The following BUB3 variants were observed in gnomAD, a reference collection of about 807,000 sequenced individuals.
BUB3 encodes mitotic checkpoint protein BUB3.
A neutral mutation model predicts 39.9 loss-of-function variants in BUB3; 22 were observed. That is an observed-to-expected ratio of 0.55 (90% CI 0.39 to 0.79). The LOEUF (loss-of-function observed/expected upper bound fraction) is 0.79. Among genes scored for constraint, BUB3 ranks in the 30% least tolerant of loss-of-function variants. BUB3 has a pLI of 0.00. For synonymous variants in BUB3, 168 were observed against 155.1 expected (o/e 1.08, Z -0.62); for missense variants, 303 against 415.4 (o/e 0.73, Z 2.35).
chr10:123,165,047 G>A lies in BUB3; in HGVS notation c.*1212G>A, dbSNP rs775715440. On this transcript the variant is annotated 3_prime_UTR_variant, in exon 8 of 8. Coordinates refer to ENST00000368865, the MANE Select transcript of BUB3 (RefSeq NM_004725.4). ...TTGAAATGTATTTTCTTCATTGCAGGTCCACCTAATCATCCTGTGAAAGTG... is the reference window on the plus strand; with the variant it reads ...TTGAAATGTATTTTCTTCATTGCAGATCCACCTAATCATCCTGTGAAAGTG... The A allele has an allele frequency of 1.9e-6, 3 of 1,612,306 alleles. No individual in the cohort carries two copies. Among genetic ancestry groups the A allele is most frequent in the Non-Finnish European group, 2.5e-6 (3 of 1,179,624 alleles).
Position 123,167,537 on chromosome 10 carries a change from C to T in BUB3, c.*3702C>T, listed in dbSNP as rs1357471187. 1.3e-5 allele frequency: 2 copies of T among 152,320 alleles called. No individual in the cohort carries two copies. The highest frequency in any genetic ancestry group is 4.8e-5 in the African/African-American group (2 of 41,568). The allele number at this position is 152,320 out of a possible 1,614,324, so 9.4% of individuals were successfully genotyped here. A position where few individuals can be genotyped will look rare whatever the true frequency, so the allele number is the denominator to read the frequency against. On this transcript the variant is annotated 3_prime_UTR_variant, in exon 8 of 8. Coordinates refer to ENST00000368865, the MANE Select transcript of BUB3 (RefSeq NM_004725.4). ...CCACATCTTTTTGTATGCTCTGGCA[C>T]ATGACTGTTGGACCACTTTGATATT...
In BUB3 at chr10:123,165,939, AAG is replaced by A. The variant is rs1255183396; in HGVS notation, c.*2106_*2107del. 1 of 152,156 alleles carries A rather than the reference AAG, an allele frequency of 6.6e-6. No homozygotes were observed. Among genetic ancestry groups the A allele is most frequent in the Non-Finnish European group, 1.5e-5 (1 of 68,036 alleles). The allele number at this position is 152,156 out of a possible 1,614,324, so 9.4% of individuals were successfully genotyped here. ...TAAGTTTAAAACATTGTATAAGTGA[AAG>A]AATTAATATAGTATTGTTATAGGTA... On this transcript the variant is annotated 3_prime_UTR_variant, in exon 8 of 8. Coordinates refer to ENST00000368865, the MANE Select transcript of BUB3 (RefSeq NM_004725.4).
Position 123,163,974 on chromosome 10 carries a change from G to A in BUB3, c.*139G>A. On this transcript the variant is annotated 3_prime_UTR_variant, in exon 8 of 8. Coordinates refer to ENST00000368865, the MANE Select transcript of BUB3 (RefSeq NM_004725.4). ...AACAACCTGAAAATAATGGAAAAGA[G>A]GTTTTTGAATTTTTTTTTTTAAATA... 1 of 1,313,244 alleles carries A rather than the reference G, an allele frequency of 7.6e-7. No individual in the cohort carries two copies. The highest frequency in any genetic ancestry group is 9.8e-7 in the Non-Finnish European group (1 of 1,019,020). 81.3% of individuals were successfully genotyped at this position (1,313,244 alleles called of 1,614,324 possible).
Position 123,163,894 on chromosome 10 carries a change from A to G in BUB3, c.*59A>G, listed in dbSNP as rs1350207459. On this transcript the variant is annotated 3_prime_UTR_variant, in exon 8 of 8. Coordinates refer to ENST00000368865, the MANE Select transcript of BUB3 (RefSeq NM_004725.4). The stretch of plus-strand genomic sequence containing the variant: ...ATAATAAAACAATTCGTACTCCCCA[A>G]TGGTGGATTTATTACTATTAAAGAA... The G allele has an allele frequency of 2.0e-6, 3 of 1,534,102 alleles. No homozygotes were observed. The highest frequency in any genetic ancestry group is 2.4e-5 in the South Asian group (2 of 83,006).
At chr10:123,161,371 C>T (rs1020913774) in intron 5 of BUB3, among the ~76,000 whole-genome samples, 2 of 150,900 alleles carry the variant, frequency 1.3e-5, no homozygotes, top group African/African-American at 2.4e-5. Flanking sequence ...ATCACAGTTC[C>T]TTTTTTTTTA....
At chr10:123,157,517 T>G (rs958245672) in intron 3 of BUB3, among the ~76,000 whole-genome samples, 2 of 152,210 alleles carry the variant, frequency 1.3e-5, no homozygotes, top group African/African-American at 4.8e-5. Context: ...GTGAGTCATG[T>G]GAAGTGTGCA....
intron 3 of BUB3, among the ~76,000 whole-genome samples, chr10:123,156,362 G>T (rs891281196): frequency 6.6e-6 from 1 of 152,210 alleles, no homozygotes; most frequent in Non-Finnish European, 1.5e-5. Context: ...CTGAACATTT[G>T]TTTGCATGTG....
In BUB3 at chr10:123,164,682, CATTT is replaced by C. The variant is rs1158215939; in HGVS notation, c.*850_*853del. The stretch of plus-strand genomic sequence containing the variant: ...TAATGAGGTTTACATATTTCTCTGA[CATTT>C]ATATAGTTCTTATGTCCATTTCAGT... On this transcript the variant is annotated 3_prime_UTR_variant, in exon 8 of 8. Transcript: ENST00000368865. The C allele has an allele frequency of 9.8e-7, 1 of 1,017,194 alleles. No homozygotes were observed. The highest frequency in any genetic ancestry group is 1.2e-6 in the Non-Finnish European group (1 of 850,604). The allele number at this position is 1,017,194 out of a possible 1,614,324, so 63.0% of individuals were successfully genotyped here.
chr10:123,164,965 G>A lies in BUB3; in HGVS notation c.*1130G>A. On this transcript the variant is annotated 3_prime_UTR_variant, in exon 8 of 8. Coordinates refer to ENST00000368865, the MANE Select transcript of BUB3 (RefSeq NM_004725.4). ...TTTTAATTCTTTTGATACAGAGAAGGGTCTTTTTTTTTTTAAGTATTTCAG... is the reference window on the plus strand; with the variant it reads ...TTTTAATTCTTTTGATACAGAGAAGAGTCTTTTTTTTTTTAAGTATTTCAG... 1 of 1,511,778 alleles carries A rather than the reference G, an allele frequency of 6.6e-7. No homozygotes were observed. Among genetic ancestry groups the A allele is most frequent in the Non-Finnish European group, 8.7e-7 (1 of 1,145,318 alleles). 93.6% of individuals were successfully genotyped at this position (1,511,778 alleles called of 1,614,324 possible). A position where few individuals can be genotyped will look rare whatever the true frequency, so the allele number is the denominator to read the frequency against.
rs1844527254 is a variant in BUB3, at chr10:123,169,569, G to A, written c.*5734G>A. 2 of 152,220 alleles carry A rather than the reference G, an allele frequency of 1.3e-5. No homozygotes were observed. The highest frequency in any genetic ancestry group is 4.1e-4 in the South Asian group (2 of 4,828). The allele number at this position is 152,220 out of a possible 1,614,324, so 9.4% of individuals were successfully genotyped here. ...GCTTGAAGTCTAAGATCACCAAAGTGGCTAATGCAGGCACTGTGACAATCT... is the reference window on the plus strand; with the variant it reads ...GCTTGAAGTCTAAGATCACCAAAGTAGCTAATGCAGGCACTGTGACAATCT... On this transcript the variant is annotated 3_prime_UTR_variant, in exon 8 of 8. Coordinates refer to ENST00000368865, the MANE Select transcript of BUB3 (RefSeq NM_004725.4).
Position 123,164,387 on chromosome 10 carries a change from G to T in BUB3, c.*552G>T. The T allele has an allele frequency of 2.0e-6, 2 of 985,698 alleles. No individual in the cohort carries two copies. The highest frequency in any genetic ancestry group is 2.4e-6 in the Non-Finnish European group (2 of 830,160). The allele number at this position is 985,698 out of a possible 1,614,324, so 61.1% of individuals were successfully genotyped here. On this transcript the variant is annotated 3_prime_UTR_variant, in exon 8 of 8. Transcript: ENST00000368865. The stretch of plus-strand genomic sequence containing the variant: ...GTTAAACAAAGCGAGGTTAAGGTTA[G>T]ACTCTTGGGAATCAGCTAGTTTTCA...
chr10:123,162,075 C>T (rs1844431328), intron 5 of BUB3, among the ~76,000 whole-genome samples, 161 bp from the exon 6 acceptor site: 1 of 152,296 alleles, frequency 6.6e-6, no homozygotes, highest in East Asian at 1.9e-4. Context: ...TTTTTAAAGT[C>T]GTCATAACCA....
rs1287203720 is a variant in BUB3 at position 123,162,431 on chromosome 10, G to A, written c.754+18G>A. 6.2e-7 allele frequency: 1 copy of A among 1,608,102 alleles called. No homozygotes were observed. Among genetic ancestry groups the A allele is most frequent in the Admixed American group, 1.7e-5 (1 of 58,640 alleles). On this transcript the variant is annotated intron_variant, in intron 6 of 7. Coordinates refer to ENST00000368865, the MANE Select transcript of BUB3 (RefSeq NM_004725.4). ...TGCCACAGGTAAAGTATGGCATGCT[G>A]ACCTATATTTAATTATTATACTATT...
Position 123,165,111 on chromosome 10 carries a change from C to A in BUB3, c.*1276C>A. The stretch of plus-strand genomic sequence containing the variant: ...AAGCTTTGTTTGCTTCCTACAAATA[C>A]ATGCTTATTCCTTAAGGGATGTGTT... On this transcript the variant is annotated 3_prime_UTR_variant, in exon 8 of 8. Transcript: ENST00000368865. The A allele has an allele frequency of 6.4e-7, 1 of 1,554,636 alleles. No individual in the cohort carries two copies.
rs947111663 is a variant in BUB3, at chr10:123,167,266, G to A, written c.*3431G>A. The A allele has an allele frequency of 1.2e-4, 18 of 152,138 alleles. No individual in the cohort carries two copies. Among genetic ancestry groups the A allele is most frequent in the African/African-American group, 4.1e-4 (17 of 41,424 alleles). The allele number at this position is 152,138 out of a possible 1,614,324, so 9.4% of individuals were successfully genotyped here. ...TGATTCCCAAATCTCAGTCTGCCCAGGGTCATTCTCTTTCTGAATTGCTCT... is the reference window on the plus strand; with the variant it reads ...TGATTCCCAAATCTCAGTCTGCCCAAGGTCATTCTCTTTCTGAATTGCTCT... On this transcript the variant is annotated 3_prime_UTR_variant, in exon 8 of 8. Coordinates refer to ENST00000368865, the MANE Select transcript of BUB3 (RefSeq NM_004725.4).
rs1225170697 is a variant in BUB3, at chr10:123,168,380, C to G, written c.*4545C>G. 1 of 152,204 alleles carries G rather than the reference C, an allele frequency of 6.6e-6. No individual in the cohort carries two copies. Among genetic ancestry groups the G allele is most frequent in the African/African-American group, 2.4e-5 (1 of 41,448 alleles). 9.4% of individuals were successfully genotyped at this position (152,204 alleles called of 1,614,324 possible). On this transcript the variant is annotated 3_prime_UTR_variant, in exon 8 of 8. Coordinates refer to ENST00000368865, the MANE Select transcript of BUB3 (RefSeq NM_004725.4). ...GGGATGGTGTGACTTGCACAAGCCA[C>G]ACAGCCTGCATGGTGTCCACTTTGA...
chr10:123,170,238 T>G lies in BUB3; in HGVS notation c.*6403T>G, dbSNP rs543523346. Reference sequence around the variant, plus strand: ...AACACTTCACTCTCAGATATAATTATTAGCTGACTTTTTAGATTCTTTTTT... The same window carrying G: ...AACACTTCACTCTCAGATATAATTAGTAGCTGACTTTTTAGATTCTTTTTT... On this transcript the variant is annotated 3_prime_UTR_variant, in exon 8 of 8. Transcript: ENST00000368865. The G allele has an allele frequency of 4.4e-4, 67 of 152,352 alleles. 1 individual carries two copies. The highest frequency in any genetic ancestry group is 1.6e-3 in the African/African-American group (67 of 41,586). The allele number at this position is 152,352 out of a possible 1,614,324, so 9.4% of individuals were successfully genotyped here. A position where few individuals can be genotyped will look rare whatever the true frequency, so the allele number is the denominator to read the frequency against.
intron 4 of BUB3, among the ~76,000 whole-genome samples, chr10:123,160,018 A>G (rs1844400253): frequency 6.6e-6 from 1 of 152,102 alleles, no homozygotes; most frequent in Non-Finnish European, 1.5e-5. Flanking sequence ...ATTAAGCTCT[A>G]CCTTGAATTA....
rs1033678685 is a variant in BUB3, at chr10:123,166,891, G to C, written c.*3056G>C. On this transcript the variant is annotated 3_prime_UTR_variant, in exon 8 of 8. Coordinates refer to ENST00000368865, the MANE Select transcript of BUB3 (RefSeq NM_004725.4). ...TCCAGGCCTTGTTAGAAGGACCAAG[G>C]CCAGAATGCCCAGTTTAGCCTTAGC... 1 of 152,204 alleles carries C rather than the reference G, an allele frequency of 6.6e-6. No homozygotes were observed. Among genetic ancestry groups the C allele is most frequent in the Non-Finnish European group, 1.5e-5 (1 of 68,050 alleles). 9.4% of individuals were successfully genotyped at this position (152,204 alleles called of 1,614,324 possible).
Sources: allele counts gnomAD v4.1 joint callset (sites outside exome capture counted in the v4.1 genomes callset), GRCh38; gene constraint gnomAD v4.1.1; transcripts MANE v1.5; gene names NCBI Gene and HGNC (gene_info 2026-07-23, HGNC 2026-07-21).